The following SH3KBP1 variants were observed in gnomAD, a reference collection of about 807,000 sequenced individuals.
SH3KBP1 encodes the protein SH3 domain containing kinase binding protein 1.
A neutral mutation model predicts 50.1 loss-of-function variants in SH3KBP1; 8 were observed. That is an observed-to-expected ratio of 0.16 (90% confidence interval 0.09 to 0.29). The LOEUF (loss-of-function observed/expected upper bound fraction) is 0.29, where lower values mean the gene tolerates loss of function less well. Ranked by LOEUF, SH3KBP1 falls within the 10% of genes least tolerant of loss-of-function variation. The pLI, the probability that SH3KBP1 is intolerant of heterozygous loss-of-function variation, is 1.00. For missense variants in SH3KBP1, 377 were observed against 535.2 expected (o/e 0.70, Z 2.92); for synonymous variants, 227 against 218.6 (o/e 1.04, Z -0.34).
intron 5 of SH3KBP1, among the ~76,000 whole-genome samples, chrX:19,692,663 G>A (rs867589430): frequency 0.013 from 1,003 of 74,780 alleles, 31 homozygotes; most frequent in African/African-American, 0.06. Flanking sequence ...GTGTGTGTGT[G>A]TGTGTGTATG....
chrX:19,851,767 C>T (rs1463427092), intron 1 of SH3KBP1, among the ~76,000 whole-genome samples: 1 of 111,778 alleles, frequency 8.9e-6, no homozygotes, highest in Admixed American at 9.4e-5. Flanking sequence ...GAGCTCCTGG[C>T]CTCTACTGAT....
At chrX:19,755,493 A>C (rs2065185774) in intron 2 of SH3KBP1, among the ~76,000 whole-genome samples, 2 of 112,155 alleles carry the variant, frequency 1.8e-5, no homozygotes, top group South Asian at 7.4e-4. Flanking sequence ...CTCTTCTATA[A>C]AGAGAGCTCC....
chrX:19,706,855 T>C (rs761191162), intron 4 of SH3KBP1, 26 bp downstream of exon 4: 18 of 1,138,107 alleles, frequency 1.6e-5, no homozygotes, highest in African/African-American at 7.2e-5. Flanking sequence ...TTCGAGGCCA[T>C]TGCACTGCCC....
chrX:19,796,936 C>T (rs1243087284), intron 2 of SH3KBP1, among the ~76,000 whole-genome samples: 2 of 112,200 alleles, frequency 1.8e-5, no homozygotes, highest in Non-Finnish European at 1.9e-5. Flanking sequence ...CTGGCTCTAT[C>T]AGCTTGCAGT....
chrX:19,836,772 A>G (rs771721489), intron 1 of SH3KBP1, among the ~76,000 whole-genome samples: 34 of 111,921 alleles, frequency 3.0e-4, no homozygotes, highest in Non-Finnish European at 1.1e-4. Context: ...CTCACCTTGA[A>G]TTGTAGTTCC....
chrX:19,578,827 G>T (rs1047205378), intron 12 of SH3KBP1, among the ~76,000 whole-genome samples: 1 of 111,781 alleles, frequency 8.9e-6, no homozygotes, highest in African/African-American at 3.3e-5. Context: ...ATCAGGAAAG[G>T]ACAAAATGGG....
intron 3 of SH3KBP1, among the ~76,000 whole-genome samples, chrX:19,738,049 C>T (rs893233008): frequency 8.9e-6 from 1 of 111,991 alleles, no homozygotes; most frequent in African/African-American, 3.2e-5. Flanking sequence ...CTTGGGGATG[C>T]TTACAGAGCT....
chrX:19,545,731 C>T (rs765564316), intron 15 of SH3KBP1, among the ~76,000 whole-genome samples, 191 bp downstream of exon 15: 66 of 112,248 alleles, frequency 5.9e-4, no homozygotes, highest in African/African-American at 2.0e-3. Flanking sequence ...AACAACTGAA[C>T]TTGTATCTCA....
rs751920691 is a variant in SH3KBP1, at chrX:19,550,463, T to C, written c.1385-380A>G. On this transcript the variant is annotated intron_variant, in intron 13 of 17. Coordinates refer to ENST00000397821, the MANE Select transcript of SH3KBP1 (RefSeq NM_031892.3). ...GCAGTCTCGACACAAAAGGCAGTTA[T>C]TACAAGGTACAACAGCCACAAGCGA... Among the ~76,000 whole-genome samples, 4 of 111,636 alleles carry C rather than the reference T, an allele frequency of 3.6e-5. No individual in the cohort carries two copies. The East Asian group carries it at 1.1e-3, about 32-fold the overall frequency.
At chrX:19,561,270 C>T (rs947811601) in intron 13 of SH3KBP1, among the ~76,000 whole-genome samples, 6 of 109,932 alleles carry the variant, frequency 5.5e-5, no homozygotes, top group African/African-American at 1.3e-4. Context: ...AAGAGTCCCC[C>T]AAAACTGCTA....
chrX:19,799,774 G>C, intron 2 of SH3KBP1: 1 of 1,173,548 alleles, frequency 8.5e-7, no homozygotes. Flanking sequence ...AAGTCTCTCT[G>C]ATTCACTTGG....
chrX:19,745,683 G>T lies in SH3KBP1; in HGVS notation c.286+635C>A, dbSNP rs189256673. ...GTGCTCACAGTATAAAATTGAGTGG[G>T]GTCGTCTCTGCAGTCTTCTATTCTC... On this transcript the variant is annotated intron_variant, in intron 3 of 17. Coordinates refer to ENST00000397821, the MANE Select transcript of SH3KBP1 (RefSeq NM_031892.3). Among the ~76,000 whole-genome samples, 60 of 111,693 alleles carry T rather than the reference G, an allele frequency of 5.4e-4. 2 individuals are homozygous for T. The highest frequency in any genetic ancestry group is 5.0e-3 in the Admixed American group (53 of 10,562).
chrX:19,632,278 T>C (rs2061596780), intron 7 of SH3KBP1, among the ~76,000 whole-genome samples: 1 of 112,024 alleles, frequency 8.9e-6, no homozygotes, highest in African/African-American at 3.2e-5. Context: ...CCATTTTATA[T>C]ACTCTTCAGG....
At chrX:19,594,670 TTTTGTTTG>T (rs779798365) in intron 10 of SH3KBP1, among the ~76,000 whole-genome samples, 3 of 111,934 alleles carry the variant, frequency 2.7e-5, no homozygotes, top group Admixed American at 9.5e-5. Flanking sequence ...AACTTGTTTT[TTTTGTTTG>T]TTTGTTTGTT....
chrX:19,790,475 T>G (rs1334413022), intron 2 of SH3KBP1, among the ~76,000 whole-genome samples: 1 of 111,095 alleles, frequency 9.0e-6, no homozygotes, highest in Non-Finnish European at 1.9e-5. Context: ...AATTCTAGAG[T>G]GGACAACCAA....
At chrX:19,551,952 A>T (rs968211359) in intron 13 of SH3KBP1, among the ~76,000 whole-genome samples, 1 of 111,812 alleles carries the variant, frequency 8.9e-6, no homozygotes, top group East Asian at 2.8e-4. Context: ...TTTTTAAAAA[A>T]CAAAACACGA....
At chrX:19,581,118 A>G (rs898412940) in intron 12 of SH3KBP1, among the ~76,000 whole-genome samples, 5 of 110,738 alleles carry the variant, frequency 4.5e-5, no homozygotes, top group African/African-American at 1.3e-4. Context: ...TGCATGGCTA[A>G]TTTTAAAACT....
intron 12 of SH3KBP1, among the ~76,000 whole-genome samples, chrX:19,587,958 G>T (rs1196494401): frequency 8.9e-6 from 1 of 112,489 alleles, no homozygotes; most frequent in Non-Finnish European, 1.9e-5. Flanking sequence ...CTTATGGAGA[G>T]AATTCAACAG....
chrX:19,611,956 G>GAAAAAAAAAAAAAA (rs3036638), intron 8 of SH3KBP1, among the ~76,000 whole-genome samples: 29 of 38,006 alleles, frequency 7.6e-4, no homozygotes, highest in African/African-American at 9.1e-4. Context: ...AGCAGAAGTA[G>GAAAAAAAAAAAAAA]AAAAAAAAAA....
Sources: gnomAD v4.1 joint callset for allele counts (sites outside exome capture counted in the v4.1 genomes callset) on GRCh38, gnomAD v4.1.1 for gene constraint, MANE v1.5 for transcripts, NCBI Gene and HGNC (gene_info 2026-07-23, HGNC 2026-07-21) for gene names.